The following RARB variants were observed in gnomAD, a reference collection of about 807,000 sequenced individuals.
RARB encodes the protein retinoic acid receptor beta.
Under a neutral mutation model 51.9 loss-of-function variants are expected in RARB, and 17 were observed. The ratio of observed to expected loss-of-function variants is 0.33; its 90% CI spans 0.22 to 0.49. The LOEUF is 0.49. Ranked by LOEUF, RARB falls within the 20% of genes least tolerant of loss-of-function variation. RARB has a pLI of 0.99. For missense variants in RARB, 369 were observed against 550.8 expected (o/e 0.67, Z 3.30); for synonymous variants, 215 against 195.4 (o/e 1.10, Z -0.84).
rs937620364 is a variant in RARB at position 25,106,907 on chromosome 3, T to TG, written c.-327-25254_-327-25253insG. Among the ~76,000 whole-genome samples the TG allele has an allele frequency of 7.1e-4, 108 of 151,712 alleles. 1 individual carries two copies. The highest frequency in any genetic ancestry group is 1.7e-3 in the South Asian group (8 of 4,782). ...TGTTTGTGTTCCTTCTGCATTTTTT[T>TG]TTGTTGTTGTTGAGATGGAGTCTCG... On this transcript the variant is annotated intron_variant, in intron 3 of 11. Coordinates refer to the RARB transcript ENST00000383772.
At chr3:24,951,352 G>A (rs9842906) in intron 2 of RARB, among the ~76,000 whole-genome samples, 136 of 152,222 alleles carry the variant, frequency 8.9e-4, no homozygotes, top group Non-Finnish European at 1.8e-3. Flanking sequence ...AGCATGCAGA[G>A]AGGAGGGAGC....
chr3:25,157,874 T>C (rs960258572), intron 4 of RARB, among the ~76,000 whole-genome samples: 1 of 152,190 alleles, frequency 6.6e-6, no homozygotes, highest in Non-Finnish European at 1.5e-5. Context: ...ATTTGCACGG[T>C]GTGAATTCAC....
In RARB at chr3:25,328,889, C is replaced by A. The variant is rs1056504486; in HGVS notation, c.179-132304C>A. ...CCAGGAGATTATGTCCCGTGCCTGG[C>A]TCGGAGGGTCCCACACCCACAGAGC... On this transcript the variant is annotated intron_variant, in intron 5 of 11. Transcript: ENST00000383772. 3.3e-5 allele frequency among the ~76,000 whole-genome samples: 5 copies of A among 152,194 alleles called. No homozygotes were observed. The East Asian group carries it at 9.6e-4, about 29-fold the overall frequency.
At chr3:25,208,026 G>C (rs895835053) in intron 5 of RARB, among the ~76,000 whole-genome samples, 1 of 151,254 alleles carries the variant, frequency 6.6e-6, no homozygotes, top group Non-Finnish European at 1.5e-5. Context: ...GGGCAAGGGG[G>C]GGAGCAAATT....
chr3:25,445,204 C>T (rs2125534671), intron 1 of RARB, among the ~76,000 whole-genome samples: 1 of 152,216 alleles, frequency 6.6e-6, no homozygotes, highest in Middle Eastern at 3.4e-3. Context: ...CCCGCCTCAG[C>T]CTCCCAAAGT....
At chr3:25,206,251 T>A (rs1701543003) in intron 5 of RARB, among the ~76,000 whole-genome samples, 1 of 152,234 alleles carries the variant, frequency 6.6e-6, no homozygotes, top group Admixed American at 6.5e-5. Flanking sequence ...TAAAACAGCT[T>A]TTAAAATTGA....
At chr3:24,843,900 TACACACACACAC>T (rs71057685) in intron 1 of RARB, among the ~76,000 whole-genome samples, 111 of 145,248 alleles carry the variant, frequency 7.6e-4, no homozygotes, top group African/African-American at 2.4e-3. Context: ...GATTTGAGGG[TACACACACACAC>T]ACACACACAC....
intron 3 of RARB, among the ~76,000 whole-genome samples, chr3:25,554,885 C>T (rs1015537942): frequency 6.6e-6 from 1 of 152,086 alleles, no homozygotes; most frequent in African/African-American, 2.4e-5. Context: ...AACATGCCAG[C>T]CCACGTCTCT....
chr3:25,063,133 G>A (rs1335277239), intron 3 of RARB, among the ~76,000 whole-genome samples: 1 of 151,964 alleles, frequency 6.6e-6, no homozygotes, highest in Admixed American at 6.6e-5. Context: ...GTCTAAAGAT[G>A]TAACACCCCC....
chr3:24,838,985 CTAATA>C (rs1170774900), intron 1 of RARB, among the ~76,000 whole-genome samples: 1 of 151,054 alleles, frequency 6.6e-6, no homozygotes, highest in African/African-American at 2.4e-5. Flanking sequence ...GCACCAAAAC[CTAATA>C]TATTATGGGA....
intron 2 of RARB, among the ~76,000 whole-genome samples, chr3:24,879,040 A>G (rs968171763): frequency 6.6e-6 from 1 of 152,014 alleles, no homozygotes; most frequent in African/African-American, 2.4e-5. Context: ...TGGCTTTCAC[A>G]CCTACTTTTC....
At chr3:24,894,400 A>G (rs1272689122) in intron 2 of RARB, among the ~76,000 whole-genome samples, 4 of 151,952 alleles carry the variant, frequency 2.6e-5, no homozygotes, top group African/African-American at 7.3e-5. Flanking sequence ...TTCACTTAGG[A>G]TAATGACCTC....
At chr3:25,168,295 G>T (rs1027421525) in intron 4 of RARB, among the ~76,000 whole-genome samples, 1 of 151,842 alleles carries the variant, frequency 6.6e-6, no homozygotes, top group Non-Finnish European at 1.5e-5. Context: ...ATTTTGGCTC[G>T]CTGCAACCTC....
chr3:25,581,750 G>C (rs1233170180), intron 5 of RARB, among the ~76,000 whole-genome samples: 1 of 152,148 alleles, frequency 6.6e-6, no homozygotes, highest in Non-Finnish European at 1.5e-5. Flanking sequence ...GCCCTTATGA[G>C]GAGATGAAGC....
chr3:25,583,651 G>C (rs1019808904), intron 5 of RARB, among the ~76,000 whole-genome samples: 1 of 152,220 alleles, frequency 6.6e-6, no homozygotes, highest in Non-Finnish European at 1.5e-5. Flanking sequence ...GGCCTCACCT[G>C]TCCTGCCCTT....
At chr3:25,436,401 C>T (rs912443916) in intron 1 of RARB, among the ~76,000 whole-genome samples, 1 of 152,218 alleles carries the variant, frequency 6.6e-6, no homozygotes, top group African/African-American at 2.4e-5. Context: ...AGTTCTGGAA[C>T]TGTTTCATGT....
At chr3:25,285,621 C>G (rs13075476) in intron 5 of RARB, among the ~76,000 whole-genome samples, 33,785 of 151,936 alleles carry the variant, frequency 0.22, 4,110 homozygotes, top group South Asian at 0.31. Flanking sequence ...AAGGTGATGA[C>G]CAAGGGTTGG....
At chr3:25,184,399 C>A (rs1020058900) in intron 5 of RARB, among the ~76,000 whole-genome samples, 3 of 152,052 alleles carry the variant, frequency 2.0e-5, no homozygotes, top group Admixed American at 6.5e-5. Flanking sequence ...CATGTGGTCC[C>A]GCGAGAAGTA....
At chr3:24,957,639 A>T (rs1383715622) in intron 2 of RARB, among the ~76,000 whole-genome samples, 1 of 152,206 alleles carries the variant, frequency 6.6e-6, no homozygotes, top group Non-Finnish European at 1.5e-5. Flanking sequence ...TTAGTCTATC[A>T]TTTTGAATAT....
Sources: allele counts gnomAD v4.1 joint callset (sites outside exome capture counted in the v4.1 genomes callset), GRCh38; gene constraint gnomAD v4.1.1; transcripts MANE v1.5; gene names NCBI Gene and HGNC (gene_info 2026-07-23, HGNC 2026-07-21).